Variants in PARG observed in about 807,000 individuals in gnomAD.
PARG encodes mitochondrial poly(ADP-ribose) glycohydrolase.
PARG carries 35 observed loss-of-function variants against 113.0 expected under a neutral mutation model. That is an observed-to-expected ratio of 0.31 (90% confidence interval 0.24 to 0.41). PARG has a LOEUF of 0.41. Among genes scored for constraint, PARG ranks in the 10% least tolerant of loss-of-function variants. The pLI is 1.00. For synonymous variants in PARG, 330 were observed against 409.9 expected, an observed-to-expected ratio of 0.81 and a Z score of 2.36; for missense variants, 797 against 1,169.4, an observed-to-expected ratio of 0.68 and a Z score of 4.64.
At chr10:49,929,193 A>C (rs1271413419) in intron 4 of PARG, among the ~76,000 whole-genome samples, 3 of 150,626 alleles carry the variant, frequency 2.0e-5, no homozygotes, top group Non-Finnish European at 4.4e-5. Flanking sequence ...TCTTTGTGGG[A>C]GGGTGGGAGA....
chr10:49,828,226 G>C (rs1288719606), intron 16 of PARG, among the ~76,000 whole-genome samples: 1 of 150,492 alleles, frequency 6.6e-6, no homozygotes, highest in East Asian at 2.0e-4. Flanking sequence ...GCAACCAAAG[G>C]GTGACAAGCC....
intron 16 of PARG, among the ~76,000 whole-genome samples, chr10:49,824,922 C>T (rs1462461150): frequency 6.6e-6 from 1 of 152,094 alleles, no homozygotes; most frequent in South Asian, 2.1e-4. Context: ...TGGCAATCCA[C>T]CCTGGTCAAC....
At position 49,933,527 on chromosome 10, in the gene PARG, A is replaced by G. The variant is rs1838591083; in HGVS notation, c.921T>C (p.Asp307=). The G allele has an allele frequency of 3.1e-6, 5 of 1,611,370 alleles. No homozygotes were observed. Among genetic ancestry groups the G allele is most frequent in the South Asian group, 2.2e-5 (2 of 90,934 alleles). Residue 307 remains aspartate (D), a synonymous_variant, in exon 3 of 18, where the codon GAT becomes GAC. Transcript: ENST00000616448. ...AGTCTTGACAACTATTTTTAGAATT[A>G]TCCACATCCATCGGTGACTCGGGTT... ...ESEPESPMDV[D]NSKNSCQDSE...
intron 4 of PARG, among the ~76,000 whole-genome samples, chr10:49,924,316 G>A (rs1440191894): frequency 6.6e-6 from 1 of 151,934 alleles, no homozygotes; most frequent in African/African-American, 2.4e-5. Flanking sequence ...AATCCATGTG[G>A]TAGTATGTAT....
chr10:49,883,201 T>C (rs1847298494), intron 8 of PARG, among the ~76,000 whole-genome samples: 5 of 152,212 alleles, frequency 3.3e-5, no homozygotes, highest in Admixed American at 2.0e-4. Context: ...GTATGCGTTG[T>C]TTTCTGGTTG....
chr10:49,860,094 T>C lies in PARG; in HGVS notation c.2205+1494A>G, dbSNP rs1365177548. 5.3e-5 allele frequency among the ~76,000 whole-genome samples: 8 copies of C among 152,216 alleles called. No homozygotes were observed. The East Asian group carries it at 5.8e-4, about 11-fold the overall frequency. On this transcript the variant is annotated intron_variant, in intron 12 of 17. Transcript: ENST00000616448. The stretch of plus-strand genomic sequence containing the variant: ...ATGCTACACAAGGAGCTCTGTAGCA[T>C]TGCAATACAATATTCCCCGATCTCC...
intron 13 of PARG, among the ~76,000 whole-genome samples, chr10:49,845,233 C>T (rs551248646): frequency 6.6e-6 from 1 of 152,268 alleles, no homozygotes; most frequent in South Asian, 2.1e-4. Context: ...TAAACATACA[C>T]GTAACCTTTG....
intron 13 of PARG, 24 bp downstream of exon 13, chr10:49,857,282 T>G: frequency 2.3e-6 from 2 of 875,222 alleles, no homozygotes; most frequent in Non-Finnish European, 1.9e-6. Context: ...GACTACCCCA[T>G]TTTCCAGGCT....
intron 7 of PARG, among the ~76,000 whole-genome samples, chr10:49,914,304 A>G (rs1837348026): frequency 6.6e-6 from 1 of 152,236 alleles, no homozygotes; most frequent in East Asian, 1.9e-4. Context: ...TTAAGTGACA[A>G]GGATAACGAT....
At chr10:49,898,992 T>G (rs1464873029) in intron 7 of PARG, among the ~76,000 whole-genome samples, 1 of 152,232 alleles carries the variant, frequency 6.6e-6, no homozygotes, top group Admixed American at 6.5e-5. Context: ...TTATGATTGA[T>G]TCACCATTCC....
chr10:49,901,959 G>T (rs559658124), intron 7 of PARG, among the ~76,000 whole-genome samples: 1 of 152,076 alleles, frequency 6.6e-6, no homozygotes, highest in Admixed American at 6.5e-5. Context: ...GATGGCAGCC[G>T]GCAGCCACAT....
At chr10:49,824,895 C>T (rs1373737195) in intron 16 of PARG, among the ~76,000 whole-genome samples, 1 of 152,174 alleles carries the variant, frequency 6.6e-6, no homozygotes, top group Non-Finnish European at 1.5e-5. Context: ...CCCTTGCCCA[C>T]TGCTTCTGGG....
intron 14 of PARG, 54 bp downstream of exon 14, chr10:49,843,500 G>T: frequency 3.5e-6 from 4 of 1,128,132 alleles, no homozygotes; most frequent in Non-Finnish European, 5.3e-6. Flanking sequence ...TGAGGGTCAA[G>T]CCCAAATTCC....
chr10:49,918,166 TACAA>T (rs1266253045), intron 6 of PARG, among the ~76,000 whole-genome samples: 4 of 152,218 alleles, frequency 2.6e-5, no homozygotes, highest in Non-Finnish European at 5.9e-5. Context: ...TTGGGGATGA[TACAA>T]ACATTCTGTA....
At chr10:49,847,834 T>A (rs2132476393) in intron 13 of PARG, among the ~76,000 whole-genome samples, 1 of 143,596 alleles carries the variant, frequency 7.0e-6, no homozygotes, top group African/African-American at 2.6e-5. Context: ...GCACAGTATC[T>A]CCAACATATT....
intron 7 of PARG, among the ~76,000 whole-genome samples, chr10:49,902,902 G>C (rs1264413348): frequency 2.6e-5 from 4 of 151,236 alleles, no homozygotes; most frequent in Non-Finnish European, 5.9e-5. Context: ...GCGCGATCTC[G>C]GCTCACTGCA....
intron 1 of PARG, 64 bp downstream of exon 1, chr10:49,941,445 C>G (rs1430313796): frequency 7.9e-7 from 1 of 1,262,492 alleles, no homozygotes; most frequent in East Asian, 2.5e-5. Flanking sequence ...CCCCTGGGTC[C>G]TCAGACTGAG....
rs1460220507 is a variant in PARG, at chr10:49,940,019, C to T, written c.217+1490G>A. ...CAGTCTACTCTTAAACTTTGGTGTTCCTAAGGCATCTGCCCTAGGTCACCT... is the reference window on the plus strand; with the variant it reads ...CAGTCTACTCTTAAACTTTGGTGTTTCTAAGGCATCTGCCCTAGGTCACCT... On this transcript the variant is annotated intron_variant, in intron 1 of 17. Transcript: ENST00000616448. Among the ~76,000 whole-genome samples the T allele has an allele frequency of 5.9e-5, 9 of 152,326 alleles. No homozygotes were observed. The East Asian group carries it at 1.5e-3, about 26-fold the overall frequency.
In PARG at chr10:49,908,181, A is replaced by G. The variant is rs576633062; in HGVS notation, c.1737+7736T>C. Among the ~76,000 whole-genome samples the G allele has an allele frequency of 1.2e-4, 19 of 152,332 alleles. No individual in the cohort carries two copies. In the East Asian group the frequency reaches 2.3e-3, roughly 19 times the overall value. On this transcript the variant is annotated intron_variant, in intron 7 of 17. Coordinates refer to ENST00000616448, the MANE Select transcript of PARG (RefSeq NM_003631.5). ...GACTGATATTCCATGGTAACTCATCAAGTTTATAAAAGCAAAGTGCCTAGT... is the reference window on the plus strand; with the variant it reads ...GACTGATATTCCATGGTAACTCATCGAGTTTATAAAAGCAAAGTGCCTAGT...
Sources: gnomAD v4.1 joint callset for allele counts (sites outside exome capture counted in the v4.1 genomes callset) on GRCh38, gnomAD v4.1.1 for gene constraint, MANE v1.5 for transcripts, NCBI Gene and HGNC (gene_info 2026-07-23, HGNC 2026-07-21) for gene names.